CES5A: variants seen among roughly 807,000 people sequenced by gnomAD.
CES5A encodes the protein carboxylesterase 5A, also known as carboxylesterase 5.
CES5A carries 67 observed loss-of-function variants against 62.9 expected under a neutral mutation model. That is an observed-to-expected ratio of 1.07 (90% CI 0.88 to 1.31). CES5A has a LOEUF of 1.31. CES5A is among the 50% of genes most tolerant of loss of function. The probability of loss-of-function intolerance (pLI) is 0.00; values close to 1 mark genes in which losing one functional copy is unlikely to be tolerated. For synonymous variants in CES5A, 296 were observed against 280.8 expected (o/e 1.05, Z -0.54); for missense variants, 748 against 708.5 (o/e 1.06, Z -0.63).
At chr16:55,863,484 G>T (rs2033396119) in intron 5 of CES5A, 32 bp from the exon 6 acceptor site, 1 of 1,103,944 alleles carries the variant, frequency 9.1e-7, no homozygotes, top group Non-Finnish European at 1.4e-6. Flanking sequence ...CCCAGGAAAG[G>T]TTACTCCCCA....
At chr16:55,903,438 T>C (rs1336693125) in intron 1 of CES5A, among the ~76,000 whole-genome samples, 1 of 152,238 alleles carries the variant, frequency 6.6e-6, no homozygotes, top group Non-Finnish European at 1.5e-5. Flanking sequence ...TGGGGCAAGA[T>C]ATATGAGTTC....
At chr16:55,928,624 T>A (rs1442503222), upstream of CES5A, among the ~76,000 whole-genome samples, 4 of 152,242 alleles carry the variant, frequency 2.6e-5, no homozygotes, top group Admixed American at 6.5e-5. Context: ...ACGTCATTTT[T>A]AAGAAATAAA....
chr16:55,930,342 C>T (rs1567358796), upstream of CES5A, among the ~76,000 whole-genome samples: 1 of 152,190 alleles, frequency 6.6e-6, no homozygotes, highest in Non-Finnish European at 1.5e-5. Context: ...CCACACCAGC[C>T]TTTGCCCTGT....
At chr16:55,862,924 C>A (rs868786694) in intron 6 of CES5A, among the ~76,000 whole-genome samples, 5 of 152,152 alleles carry the variant, frequency 3.3e-5, no homozygotes, top group Admixed American at 2.6e-4. Context: ...CCCTTATAAT[C>A]CCATGCCAGA....
intron 8 of CES5A, among the ~76,000 whole-genome samples, chr16:55,856,660 G>T (rs1226222079): frequency 6.6e-6 from 1 of 152,220 alleles, no homozygotes; most frequent in Non-Finnish European, 1.5e-5. Context: ...CATTCCACCT[G>T]CAGCCTTGTG....
Position 55,846,769 on chromosome 16 carries a change from C to A in CES5A, c.1495G>T (p.Gly499Trp), listed in dbSNP as rs16955812. 7 of 1,613,978 alleles carry A rather than the reference C, an allele frequency of 4.3e-6. No individual in the cohort carries two copies. The South Asian group carries it at 6.6e-5, about 15-fold the overall frequency. ...GGGGAGACCGGGAGGTTTACTTACC[C>A]GGTTCGAGCAAAGGTAGCCCAGTAT... ...MKYWATFART[G>W]NPNGNDLSLW... Residue 499 changes from glycine (G) to tryptophan (W), a missense_variant and splice_region_variant, in exon 12 of 13, where the codon GGG (glycine) becomes TGG (tryptophan). By Grantham distance (184) the Gly-to-Trp change is radical. Transcript: ENST00000290567.
chr16:55,941,899 ACTAT>A (rs1394187922), intron 2 of CES5A, among the ~76,000 whole-genome samples: 1 of 152,150 alleles, frequency 6.6e-6, no homozygotes, highest in Non-Finnish European at 1.5e-5. Context: ...AGTCAATGGT[ACTAT>A]CTTATACTTT....
chr16:55,937,259 G>A (rs914766773), intron 2 of CES5A, among the ~76,000 whole-genome samples: 1 of 152,078 alleles, frequency 6.6e-6, no homozygotes, highest in Non-Finnish European at 1.5e-5. Flanking sequence ...CATAGCATTG[G>A]CCCAACCCCA....
At chr16:55,924,640 T>G (rs1312327354) in intron 1 of CES5A, among the ~76,000 whole-genome samples, 5 of 152,016 alleles carry the variant, frequency 3.3e-5, no homozygotes, top group Non-Finnish European at 1.5e-5. Flanking sequence ...AGAACAAAGC[T>G]GGAGGCATCA....
chr16:55,945,664 T>C (rs2034487587), intron 2 of CES5A, among the ~76,000 whole-genome samples: 2 of 152,204 alleles, frequency 1.3e-5, no homozygotes, highest in South Asian at 4.1e-4. Context: ...ACATGTCTAG[T>C]TGTCAAAATC....
chr16:55,903,303 C>T (rs768395172), intron 1 of CES5A, among the ~76,000 whole-genome samples: 8 of 152,168 alleles, frequency 5.3e-5, no homozygotes, highest in Non-Finnish European at 8.8e-5. Flanking sequence ...CATAAAAGGA[C>T]ATGCCTAGCA....
In CES5A at chr16:55,899,419, C is replaced by G. The variant is rs148557106; in HGVS notation, c.-255-25382G>C. On this transcript the variant is annotated intron_variant, in intron 1 of 12. Coordinates refer to the CES5A transcript ENST00000518005. ...ACTGAGGAAGCTGCTGAAATTCCCT[C>G]AAGAGGCCCCATGAAAAATCCAACT... Among the ~76,000 whole-genome samples the G allele has an allele frequency of 6.0e-3, 909 of 152,312 alleles. 7 individuals are homozygous for G. The highest frequency in any genetic ancestry group is 8.6e-3 in the Non-Finnish European group (588 of 68,022).
intron 1 of CES5A, among the ~76,000 whole-genome samples, chr16:55,888,617 T>A (rs1266542508): frequency 1.3e-5 from 2 of 152,236 alleles, no homozygotes; most frequent in Non-Finnish European, 2.9e-5. Context: ...AACCTTAGTC[T>A]TTGTCTCAGG....
intron 1 of CES5A, among the ~76,000 whole-genome samples, chr16:55,917,173 A>G (rs2034155338): frequency 6.6e-6 from 1 of 152,204 alleles, no homozygotes; most frequent in South Asian, 2.1e-4. Context: ...TTTAAGTGCC[A>G]TCAAATACTA....
chr16:55,942,854 A>G (rs535264168), intron 2 of CES5A, among the ~76,000 whole-genome samples: 2 of 152,342 alleles, frequency 1.3e-5, no homozygotes, highest in African/African-American at 4.8e-5. Flanking sequence ...GTAAAGGAAA[A>G]AACAACCTGG....
chr16:55,900,314 A>G (rs910575288), intron 1 of CES5A, among the ~76,000 whole-genome samples: 27 of 152,344 alleles, frequency 1.8e-4, no homozygotes, highest in African/African-American at 5.8e-4. Context: ...AAATGGGAAC[A>G]AAAGAACCTT....
At chr16:55,924,243 A>T (rs1417683978) in intron 1 of CES5A, among the ~76,000 whole-genome samples, 1 of 152,050 alleles carries the variant, frequency 6.6e-6, no homozygotes, top group African/African-American at 2.4e-5. Flanking sequence ...CAAAATCAAC[A>T]TACAAAAATC....
rs1249863859 is a variant in CES5A at position 55,882,540 on chromosome 16, C to T, written c.-255-8503G>A. On this transcript the variant is annotated intron_variant, in intron 1 of 12. Coordinates refer to the CES5A transcript ENST00000518005. ...ACCTAGGCAACAGGACTGATTGATC[C>T]ACAGCCTGGACTTGCCAGTGCCATT... 2.6e-5 allele frequency among the ~76,000 whole-genome samples: 4 copies of T among 152,206 alleles called. No individual in the cohort carries two copies. The East Asian group carries it at 5.8e-4, about 22-fold the overall frequency.
chr16:55,920,899 A>T, intron 1 of CES5A, among the ~76,000 whole-genome samples: 1 of 152,222 alleles, frequency 6.6e-6, no homozygotes, highest in East Asian at 1.9e-4. Flanking sequence ...GAAATTTACC[A>T]CAGAAACTTA....
Sources: allele counts gnomAD v4.1 joint callset (sites outside exome capture counted in the v4.1 genomes callset), GRCh38; gene constraint gnomAD v4.1.1; transcripts MANE v1.5; gene names NCBI Gene and HGNC (gene_info 2026-07-23, HGNC 2026-07-21).